Variants in ZNF100 observed in about 807,000 individuals in gnomAD.
The protein encoded by ZNF100 is zinc finger protein 100 (Y1).
Under a neutral mutation model 15.8 loss-of-function variants are expected in ZNF100, and 12 were observed. The ratio of observed to expected loss-of-function variants is 0.76; its 90% CI spans 0.49 to 1.23. The LOEUF (loss-of-function observed/expected upper bound fraction) is 1.23. Ranked by LOEUF, ZNF100 falls within the 50% of genes most tolerant of loss-of-function variation. ZNF100 has a pLI of 0.00. For missense variants in ZNF100, 670 were observed against 635.6 expected (o/e 1.05, Z -0.58); for synonymous variants, 226 against 214.8 (o/e 1.05, Z -0.45).
intron 2 of ZNF100, among the ~76,000 whole-genome samples, chr19:21,754,189 G>T (rs962037831): frequency 1.3e-5 from 2 of 150,158 alleles, no homozygotes; most frequent in Admixed American, 1.3e-4. Context: ...AAAGGGCAGA[G>T]AAATAAATGA....
rs143819558 is a variant in ZNF100, at chr19:21,747,797, T to C, written c.97-2730A>G. Among the ~76,000 whole-genome samples, 30 of 151,370 alleles carry C rather than the reference T, an allele frequency of 2.0e-4. No homozygotes were observed. In the East Asian group the frequency reaches 5.2e-3, roughly 26 times the overall value. ...TACACATGTACTAATGCAATAATTA[T>C]TAAGCAGGTACTATGTGCTCAAGAG... On this transcript the variant is annotated intron_variant, in intron 2 of 4. Transcript: ENST00000358296.
At position 21,726,539 on chromosome 19, in the gene ZNF100, G is replaced by T. The variant is rs559335850; in HGVS notation, c.*144C>A. On this transcript the variant is annotated 3_prime_UTR_variant, in exon 5 of 5. Coordinates refer to ENST00000358296, the MANE Select transcript of ZNF100 (RefSeq NM_173531.4). ...TTCTGGTTTGTAGAATTTCTCTCTA[G>T]TATGAATTATCTTATGTCTGTTAGG... 19 of 738,188 alleles carry T rather than the reference G, an allele frequency of 2.6e-5. No homozygotes were observed. The African/African-American group carries it at 2.8e-4, about 11-fold the overall frequency. 45.7% of individuals were successfully genotyped at this position (738,188 alleles called of 1,614,324 possible). A position where few individuals can be genotyped will look rare whatever the true frequency, so the allele number is the denominator to read the frequency against.
At chr19:21,765,449 G>T (rs193182738) in intron 2 of ZNF100, among the ~76,000 whole-genome samples, 1 of 152,134 alleles carries the variant, frequency 6.6e-6, no homozygotes, top group African/African-American at 2.4e-5. Context: ...CCATCTCACT[G>T]GGGTCAGTTC....
Position 21,744,152 on chromosome 19 carries a change from T to G in ZNF100, c.224-37A>C, listed in dbSNP as rs138283448. Reference sequence around the variant, plus strand: ...ATAAATAACATGAATCTTTCTCATATTCTCCAATTACCAACCTAGTACTAT... The same window carrying G: ...ATAAATAACATGAATCTTTCTCATAGTCTCCAATTACCAACCTAGTACTAT... On this transcript the variant is annotated intron_variant, in intron 3 of 4. Transcript: ENST00000358296. 1.5e-3 allele frequency: 2,318 copies of G among 1,556,600 alleles called. 4 individuals carry two copies. The highest frequency in any genetic ancestry group is 1.5e-3 in the Non-Finnish European group (1,770 of 1,148,714).
chr19:21,732,947 CCAGGCACAGTGGCT>C (rs2035944545), intron 4 of ZNF100, among the ~76,000 whole-genome samples: 1 of 152,136 alleles, frequency 6.6e-6, no homozygotes. Context: ...TACATGGTGG[CCAGGCACAGTGGCT>C]CAGGCCTGTA....
chr19:21,744,811 G>A (rs1228112052), intron 3 of ZNF100, 130 bp downstream of exon 3: 1 of 1,403,242 alleles, frequency 7.1e-7, no homozygotes, highest in South Asian at 1.4e-5. Context: ...TCCACACACA[G>A]CCTCAAGATT....
In ZNF100 at chr19:21,767,574, A is replaced by G; in HGVS notation, c.-145T>C. The G allele has an allele frequency of 7.5e-7, 1 of 1,335,750 alleles. No homozygotes were observed. The highest frequency in any genetic ancestry group is 1.4e-5 in the South Asian group (1 of 71,520). The allele number at this position is 1,335,750 out of a possible 1,614,324, so 82.7% of individuals were successfully genotyped here. A position where few individuals can be genotyped will look rare whatever the true frequency, so the allele number is the denominator to read the frequency against. ...TGGAGCTCCGGCTACAGCGAGAGAC[A>G]AAGACCCCGCCAAACCCGGAAGCCG... On this transcript the variant is annotated 5_prime_UTR_variant, in exon 1 of 5. Coordinates refer to ENST00000358296, the MANE Select transcript of ZNF100 (RefSeq NM_173531.4).
rs1403465756 is a variant in ZNF100, at chr19:21,724,984, GA to G, written c.*1698del. The G allele has an allele frequency of 6.6e-6, 1 of 152,194 alleles. No individual in the cohort carries two copies. Among genetic ancestry groups the G allele is most frequent in the Non-Finnish European group, 1.5e-5 (1 of 68,058 alleles). The allele number at this position is 152,194 out of a possible 1,614,324, so 9.4% of individuals were successfully genotyped here. Reference sequence around the variant, plus strand: ...GAGAATTGCGTGAACCCAGGAGGTGGAGGTTACAGTGAGCCGAGATCGTGCC... The same window carrying G: ...GAGAATTGCGTGAACCCAGGAGGTGGGGTTACAGTGAGCCGAGATCGTGCC... On this transcript the variant is annotated 3_prime_UTR_variant, in exon 5 of 5. Coordinates refer to ENST00000358296, the MANE Select transcript of ZNF100 (RefSeq NM_173531.4).
At chr19:21,759,136 A>T (rs926609136) in intron 2 of ZNF100, among the ~76,000 whole-genome samples, 11 of 152,166 alleles carry the variant, frequency 7.2e-5, no homozygotes, top group African/African-American at 2.4e-4. Flanking sequence ...CCATAGGCCC[A>T]TCTATGTTTC....
rs187140552 is a variant in ZNF100, at chr19:21,744,960, G to T, written c.204C>A (p.Tyr68Ter). ...GLYRKVMLEN[Y>*]RNLVFLAGIA... is the part of the protein sequence containing the mutation. The stretch of plus-strand genomic sequence containing the variant: ...TCTCACCCAAGAAGACCAGGTTTCT[G>T]TAGTTCTCTAACATCACTTTCCTAT... Residue 68 changes from tyrosine (Y) to a stop codon, truncating the protein, a stop_gained, in exon 3 of 5, where the codon TAC (tyrosine) becomes TAA (stop). Transcript: ENST00000358296. LOFTEE classifies it high-confidence loss of function. 1,787 of 1,609,980 alleles carry T rather than the reference G, an allele frequency of 1.1e-3. 1 individual carries two copies. Among genetic ancestry groups the T allele is most frequent in the Non-Finnish European group, 1.4e-3 (1,592 of 1,179,144 alleles).
At chr19:21,764,458 A>G (rs1368448330) in intron 2 of ZNF100, among the ~76,000 whole-genome samples, 1 of 152,078 alleles carries the variant, frequency 6.6e-6, no homozygotes, top group Non-Finnish European at 1.5e-5. Flanking sequence ...CCTGACCAAC[A>G]TAGTGAAACC....
chr19:21,767,529 A>T lies in ZNF100; in HGVS notation c.-100T>A, dbSNP rs1030282638. 9.1e-6 allele frequency: 14 copies of T among 1,537,934 alleles called. No individual in the cohort carries two copies. The Admixed American group carries it at 2.3e-4, about 26-fold the overall frequency. ...CTAGGCCCCTAGGAGCAGAAGACAC[A>T]GAGAAGTGAGAGCAAAACCTGGAGC... On this transcript the variant is annotated 5_prime_UTR_variant, in exon 1 of 5. Coordinates refer to ENST00000358296, the MANE Select transcript of ZNF100 (RefSeq NM_173531.4).
intron 4 of ZNF100, among the ~76,000 whole-genome samples, chr19:21,729,559 A>T (rs2035876072): frequency 6.6e-6 from 1 of 152,094 alleles, no homozygotes; most frequent in Admixed American, 6.6e-5. Flanking sequence ...CCTAGAACTT[A>T]AAGTATAATA....
chr19:21,736,068 G>A (rs1333167512), intron 4 of ZNF100, among the ~76,000 whole-genome samples: 3 of 151,008 alleles, frequency 2.0e-5, no homozygotes, highest in Admixed American at 6.6e-5. Context: ...CATTACAGGC[G>A]TGAGCCACCA....
In ZNF100 at chr19:21,726,822, G is replaced by A; in HGVS notation, c.1490C>T (p.Ser497Phe). Residue 497 changes from serine (S) to phenylalanine (F), a missense_variant, in exon 5 of 5, where the codon TCC (serine) becomes TTC (phenylalanine). Physicochemically the swap from Ser to Phe is radical, Grantham distance 155 (BLOSUM62 -2). Coordinates refer to ENST00000358296, the MANE Select transcript of ZNF100 (RefSeq NM_173531.4). ...TATCTTATGTTTAGTAAGGGTTGAG[G>A]ATCGGTTAAAAGCTTTGCCACATTC... ...CEECGKAFNRSSTLTKHKITH... is the reference protein window; with the variant it reads ...CEECGKAFNRFSTLTKHKITH... 3.1e-6 allele frequency: 5 copies of A among 1,613,770 alleles called. No individual in the cohort carries two copies. Among genetic ancestry groups the A allele is most frequent in the Non-Finnish European group, 4.2e-6 (5 of 1,179,868 alleles).
In ZNF100 at chr19:21,767,508, G is replaced by A. The variant is rs1275723914; in HGVS notation, c.-79C>T. On this transcript the variant is annotated 5_prime_UTR_variant, in exon 1 of 5. Transcript: ENST00000358296. ...CAGGTCAGAGGGCCACACAGGCTAG[G>A]CCCCTAGGAGCAGAAGACACAGAGA... 320 of 1,595,922 alleles carry A rather than the reference G, an allele frequency of 2.0e-4. 3 individuals are homozygous for A. Among genetic ancestry groups the A allele is most frequent in the Non-Finnish European group, 3.3e-5 (39 of 1,168,082 alleles).
In ZNF100 at chr19:21,745,205, T is replaced by C. The variant is rs1599392171; in HGVS notation, c.97-138A>G. ...AGAAATGACAAATTTTCCAATAATT[T>C]TTAACACAGAAATATTCTCTAAAAT... is the stretch of plus-strand genomic sequence containing the variant. On this transcript the variant is annotated intron_variant, in intron 2 of 4. Coordinates refer to ENST00000358296, the MANE Select transcript of ZNF100 (RefSeq NM_173531.4). The C allele has an allele frequency of 1.6e-5, 22 of 1,346,212 alleles. 1 individual carries two copies. In the East Asian group the frequency reaches 5.6e-4, roughly 34 times the overall value. The allele number at this position is 1,346,212 out of a possible 1,614,324, so 83.4% of individuals were successfully genotyped here.
At chr19:21,742,564 C>A (rs1168888701) in intron 4 of ZNF100, among the ~76,000 whole-genome samples, 1 of 151,720 alleles carries the variant, frequency 6.6e-6, no homozygotes, top group Admixed American at 6.6e-5. Flanking sequence ...TCACAGACAC[C>A]AATGCAAAAC....
chr19:21,727,913 T>A lies in ZNF100; in HGVS notation c.399A>T (p.Lys133Asn). Residue 133 changes from lysine (K) to asparagine (N), a missense_variant, in exon 5 of 5, where the codon AAA becomes AAT. Physicochemically the swap from Lys to Asn is moderately conservative, Grantham distance 94. Coordinates refer to ENST00000358296, the MANE Select transcript of ZNF100 (RefSeq NM_173531.4). The stretch of plus-strand genomic sequence containing the variant: ...TGTCATGTCCATATTTTCCATATTT[T>A]TTCAGAATCGCTTCTTGAAAAGAAT... ...IKDSFQEAILKKYGKYGHDNL... is the reference protein window; with the variant it reads ...IKDSFQEAILNKYGKYGHDNL... 1 of 1,597,962 alleles carries A rather than the reference T, an allele frequency of 6.3e-7. No individual in the cohort carries two copies. The highest frequency in any genetic ancestry group is 8.5e-7 in the Non-Finnish European group (1 of 1,174,200).
Sources: allele counts gnomAD v4.1 joint callset (sites outside exome capture counted in the v4.1 genomes callset), GRCh38; gene constraint gnomAD v4.1.1; transcripts MANE v1.5; gene names NCBI Gene and HGNC (gene_info 2026-07-23, HGNC 2026-07-21).